DOCK3: variants seen among roughly 807,000 people sequenced by gnomAD.
DOCK3 encodes dedicator of cytokinesis protein 3.
A neutral mutation model predicts 265.6 loss-of-function variants in DOCK3; 60 were observed. The ratio of observed to expected loss-of-function variants is 0.23; its 90% CI spans 0.18 to 0.28. DOCK3 has a LOEUF of 0.28. Among genes scored for constraint, DOCK3 ranks in the 10% least tolerant of loss-of-function variants. The pLI is 1.00. For missense variants in DOCK3, 1,981 were observed against 2,594.3 expected, an observed-to-expected ratio of 0.76 and a Z score of 5.14; for synonymous variants, 881 against 938.0, an observed-to-expected ratio of 0.94 and a Z score of 1.11.
intron 2 of DOCK3, among the ~76,000 whole-genome samples, chr3:50,812,612 G>A (rs1190537524): frequency 6.6e-6 from 1 of 152,200 alleles, no homozygotes; most frequent in Non-Finnish European, 1.5e-5. Flanking sequence ...AGCTCAAAGA[G>A]AATCAGGCAG....
At chr3:51,316,483 G>A (rs1310614075) in intron 32 of DOCK3, among the ~76,000 whole-genome samples, 1 of 152,166 alleles carries the variant, frequency 6.6e-6, no homozygotes, top group East Asian at 1.9e-4. Context: ...TGAATACTTA[G>A]GAATAGGATT....
intron 5 of DOCK3, among the ~76,000 whole-genome samples, chr3:50,953,255 G>GT (rs1442464585): frequency 6.6e-6 from 1 of 152,130 alleles, no homozygotes; most frequent in Non-Finnish European, 1.5e-5. Context: ...AGAAAATGAT[G>GT]TTTGGTTTCT....
chr3:51,037,401 T>C (rs1410655909), intron 5 of DOCK3, among the ~76,000 whole-genome samples: 1 of 152,206 alleles, frequency 6.6e-6, no homozygotes, highest in African/African-American at 2.4e-5. Flanking sequence ...GTGGTCATAA[T>C]CATTTCCTTG....
chr3:50,903,267 G>C (rs887053114), intron 4 of DOCK3, among the ~76,000 whole-genome samples: 5 of 152,134 alleles, frequency 3.3e-5, no homozygotes, highest in Non-Finnish European at 7.3e-5. Context: ...AATGCTTCCA[G>C]CTTTTGCCTT....
chr3:50,733,885 A>G (rs955068250), intron 1 of DOCK3, among the ~76,000 whole-genome samples: 3 of 151,976 alleles, frequency 2.0e-5, no homozygotes, highest in Admixed American at 6.6e-5. Context: ...TGTATCTACA[A>G]TAAGCTTTTG....
chr3:51,360,561 C>T lies in DOCK3; in HGVS notation c.4935C>T (p.Thr1645=). The T allele has an allele frequency of 6.2e-7, 1 of 1,613,346 alleles. No individual in the cohort carries two copies. The highest frequency in any genetic ancestry group is 1.3e-5 in the African/African-American group (1 of 75,024). Reference sequence around the variant, plus strand: ...GTCCTGCATGTTCAGGCACCAGCACCCCACGGGGAAATGTTCTGGCATCCC... The same window carrying T: ...GTCCTGCATGTTCAGGCACCAGCACTCCACGGGGAAATGTTCTGGCATCCC... The part of the protein sequence containing the change: ...KLSPACSGTS[T]PRGNVLASHS... Residue 1645 remains threonine (T), a synonymous_variant, in exon 47 of 53, where the codon ACC becomes ACT. Transcript: ENST00000266037.
chr3:50,877,281 G>C (rs1396063599), intron 3 of DOCK3: 1 of 354,520 alleles, frequency 2.8e-6, no homozygotes, highest in East Asian at 7.3e-5. Flanking sequence ...TCTTACTCTT[G>C]ATATTTCTAT....
At chr3:51,376,389 T>G (rs1227306763) in intron 51 of DOCK3, among the ~76,000 whole-genome samples, 1 of 152,178 alleles carries the variant, frequency 6.6e-6, no homozygotes, top group Non-Finnish European at 1.5e-5. Flanking sequence ...CATCTTTTAT[T>G]GCAAGGCCAC....
At chr3:51,067,250 T>C (rs1288214457) in intron 6 of DOCK3, among the ~76,000 whole-genome samples, 1 of 152,208 alleles carries the variant, frequency 6.6e-6, no homozygotes, top group African/African-American at 2.4e-5. Context: ...TATACCTCTT[T>C]ATTATGAAAC....
chr3:51,262,888 C>T (rs926733939), intron 23 of DOCK3, among the ~76,000 whole-genome samples: 12 of 151,874 alleles, frequency 7.9e-5, no homozygotes, highest in South Asian at 6.2e-4. Context: ...TGAAAAGGAA[C>T]AAACAAAGCC....
At chr3:50,931,743 G>A (rs1321091051) in intron 4 of DOCK3, among the ~76,000 whole-genome samples, 3 of 152,214 alleles carry the variant, frequency 2.0e-5, no homozygotes, top group African/African-American at 7.2e-5. Flanking sequence ...TTGGGGTGGG[G>A]TGAGAAAAGT....
At chr3:51,162,637 T>C (rs1220612548) in intron 12 of DOCK3, among the ~76,000 whole-genome samples, 1 of 152,234 alleles carries the variant, frequency 6.6e-6, no homozygotes, top group East Asian at 1.9e-4. Context: ...AGAATTGTTA[T>C]CTCTTTGCAT....
chr3:50,873,214 G>T (rs996654365), intron 3 of DOCK3, among the ~76,000 whole-genome samples: 11 of 152,164 alleles, frequency 7.2e-5, no homozygotes, highest in African/African-American at 2.7e-4. Context: ...ATCACTCCTG[G>T]TTATTCAGGG....
At chr3:50,786,829 ATTGTACTGAAACCT>A in intron 2 of DOCK3, 3 of 741,594 alleles carry the variant, frequency 4.0e-6, no homozygotes, top group Non-Finnish European at 7.7e-6. Context: ...GTAGCTGGTA[ATTGTACTGAAACCT>A]TTCGTCACAG....
At chr3:50,836,925 C>G (rs1453730466) in intron 2 of DOCK3, among the ~76,000 whole-genome samples, 1 of 152,220 alleles carries the variant, frequency 6.6e-6, no homozygotes, top group African/African-American at 2.4e-5. Flanking sequence ...TGCCACCAGT[C>G]TCTTTGCTAA....
chr3:50,892,569 C>A (rs1269592927), intron 4 of DOCK3, among the ~76,000 whole-genome samples: 1 of 152,080 alleles, frequency 6.6e-6, no homozygotes, highest in Non-Finnish European at 1.5e-5. Flanking sequence ...GACTGTACAT[C>A]AAACATCTCT....
intron 49 of DOCK3, among the ~76,000 whole-genome samples, chr3:51,370,091 G>C (rs1008814308): frequency 2.0e-5 from 3 of 152,230 alleles, no homozygotes; most frequent in Non-Finnish European, 4.4e-5. Context: ...TGCAGACATA[G>C]AGAAGGAGCA....
At chr3:51,179,507 C>G (rs1279581898) in intron 12 of DOCK3, among the ~76,000 whole-genome samples, 1 of 152,012 alleles carries the variant, frequency 6.6e-6, no homozygotes, top group Non-Finnish European at 1.5e-5. Context: ...CATAGATCTC[C>G]CTAGCTGAGA....
At chr3:50,993,962 A>G (rs1226473067) in intron 5 of DOCK3, among the ~76,000 whole-genome samples, 1 of 152,176 alleles carries the variant, frequency 6.6e-6, no homozygotes, top group Admixed American at 6.5e-5. Context: ...ACAGGTCTAG[A>G]AAAGGCTATT....
Sources: allele counts gnomAD v4.1 joint callset (sites outside exome capture counted in the v4.1 genomes callset), GRCh38; gene constraint gnomAD v4.1.1; transcripts MANE v1.5; gene names NCBI Gene and HGNC (gene_info 2026-07-23, HGNC 2026-07-21).